The following TENM3 variants were observed in gnomAD, a reference collection of about 807,000 sequenced individuals.
The protein encoded by TENM3 is teneurin-3.
TENM3 carries 63 observed loss-of-function variants against 255.1 expected under a neutral mutation model. The observed-to-expected ratio is 0.25, with a 90% confidence interval of 0.20 to 0.30. The LOEUF (loss-of-function observed/expected upper bound fraction) is 0.30. Ranked by LOEUF, TENM3 falls within the 10% of genes least tolerant of loss-of-function variation. The pLI is 1.00. For synonymous variants in TENM3, 1,306 were observed against 1,322.3 expected (o/e 0.99, Z 0.27); for missense variants, 2,929 against 3,461.1 (o/e 0.85, Z 3.86).
chr4:181,919,339 C>T, the TENM3 span, among the ~76,000 whole-genome samples: 6 of 150,212 alleles, frequency 4.0e-5, no homozygotes, highest in African/African-American at 1.2e-4. Context: ...AGCTATACAA[C>T]CATCATCAGG....
At chr4:181,760,969 TACACACACAC>T in the TENM3 span, among the ~76,000 whole-genome samples, 22 of 50,654 alleles carry the variant, frequency 4.3e-4, no homozygotes, top group South Asian at 7.1e-4. Context: ...ACCACACACA[TACACACACAC>T]ACACACACAC....
At chr4:181,673,070 G>A in the TENM3 span, among the ~76,000 whole-genome samples, 1 of 152,160 alleles carries the variant, frequency 6.6e-6, no homozygotes, top group South Asian at 2.1e-4. Flanking sequence ...AAAAAAGCTA[G>A]AACTAGGACC....
chr4:182,242,302 T>G (rs1158211248), upstream of TENM3, among the ~76,000 whole-genome samples: 1 of 151,964 alleles, frequency 6.6e-6, no homozygotes, highest in Non-Finnish European at 1.5e-5. Context: ...AGTGAGAACA[T>G]GCGGTGTTTG....
the TENM3 span, among the ~76,000 whole-genome samples, chr4:181,595,793 G>A: frequency 2.0e-5 from 3 of 151,980 alleles, no homozygotes; most frequent in Non-Finnish European, 2.9e-5. Context: ...CTATCTTAGA[G>A]GATTTTTCCT....
chr4:181,497,796 A>C, the TENM3 span, among the ~76,000 whole-genome samples: 1 of 152,312 alleles, frequency 6.6e-6, no homozygotes, highest in African/African-American at 2.4e-5. Flanking sequence ...TCTATTAATT[A>C]CAGTTTCACA....
chr4:182,027,068 T>TA, the TENM3 span, among the ~76,000 whole-genome samples: 1 of 152,132 alleles, frequency 6.6e-6, no homozygotes, highest in Non-Finnish European at 1.5e-5. Flanking sequence ...ATTTTAACAA[T>TA]ATCGATTCTT....
chr4:181,754,812 T>C, the TENM3 span, among the ~76,000 whole-genome samples: 1 of 152,210 alleles, frequency 6.6e-6, no homozygotes, highest in Admixed American at 6.5e-5. Flanking sequence ...AATCCATGTC[T>C]GACATTTCTA....
intron 2 of TENM3, among the ~76,000 whole-genome samples, chr4:182,332,404 G>T (rs1763817661): frequency 6.6e-6 from 1 of 152,076 alleles, no homozygotes. Context: ...TTTAAGAAAT[G>T]AGTTCAAGCC....
intron 1 of TENM3, among the ~76,000 whole-genome samples, chr4:182,228,424 C>T (rs1241398079): frequency 8.4e-6 from 1 of 119,486 alleles, no homozygotes; most frequent in African/African-American, 3.4e-5. Flanking sequence ...CTAAAATTTG[C>T]AACTCCAAGG....
intron 3 of TENM3, among the ~76,000 whole-genome samples, chr4:182,366,685 T>C (rs1014971484): frequency 1.3e-5 from 2 of 152,176 alleles, no homozygotes; most frequent in Admixed American, 6.5e-5. Context: ...AAATTCAGAT[T>C]TGATGATTTC....
chr4:182,472,197 CT>C (rs1733190497), intron 3 of TENM3, among the ~76,000 whole-genome samples: 3 of 152,032 alleles, frequency 2.0e-5, no homozygotes, highest in Admixed American at 2.0e-4. Context: ...TTTATGTTCT[CT>C]ATATTTCTTT....
the TENM3 span, among the ~76,000 whole-genome samples, chr4:181,667,661 T>C: frequency 1.3e-5 from 2 of 152,286 alleles, no homozygotes; most frequent in African/African-American, 4.8e-5. Context: ...AAGAAGGCCC[T>C]CACCAGTTGC....
At chr4:181,803,138 C>G in the TENM3 span, among the ~76,000 whole-genome samples, 6 of 152,254 alleles carry the variant, frequency 3.9e-5, no homozygotes, top group East Asian at 1.2e-3. Flanking sequence ...CAGATTCCAA[C>G]CAGGAAGCAA....
At chr4:181,963,002 T>C in the TENM3 span, among the ~76,000 whole-genome samples, 1 of 152,170 alleles carries the variant, frequency 6.6e-6, no homozygotes, top group East Asian at 1.9e-4. Flanking sequence ...AGCCCTGGAG[T>C]TGTAATGCAC....
the TENM3 span, among the ~76,000 whole-genome samples, chr4:181,653,422 G>T: frequency 4.0e-5 from 6 of 150,662 alleles, no homozygotes; most frequent in Non-Finnish European, 1.5e-5. Context: ...TTGTTTGTTT[G>T]TTTTCGAGAT....
chr4:182,130,918 T>C, the TENM3 span, among the ~76,000 whole-genome samples: 4 of 152,128 alleles, frequency 2.6e-5, no homozygotes, highest in African/African-American at 9.7e-5. Flanking sequence ...TCTCTTAATA[T>C]CTTAAGAGAA....
At chr4:181,723,620 C>T in the TENM3 span, among the ~76,000 whole-genome samples, 1 of 151,916 alleles carries the variant, frequency 6.6e-6, no homozygotes, top group Non-Finnish European at 1.5e-5. Context: ...TTCAAAAGTT[C>T]TTCTGACTTT....
At chr4:182,023,683 G>T in the TENM3 span, among the ~76,000 whole-genome samples, 3 of 152,164 alleles carry the variant, frequency 2.0e-5, no homozygotes, top group Non-Finnish European at 4.4e-5. Flanking sequence ...TCATTTGTTT[G>T]CGTGTTTGTT....
the TENM3 span, among the ~76,000 whole-genome samples, chr4:181,553,632 G>A: frequency 1.3e-5 from 2 of 151,828 alleles, no homozygotes; most frequent in South Asian, 2.1e-4. Context: ...TAGTAGAGAC[G>A]GGGTTTCACC....
Sources: gnomAD v4.1 joint callset for allele counts (sites outside exome capture counted in the v4.1 genomes callset) on GRCh38, gnomAD v4.1.1 for gene constraint, MANE v1.5 for transcripts, NCBI Gene and HGNC (gene_info 2026-07-23, HGNC 2026-07-21) for gene names.